GPC3: variants seen among roughly 807,000 people sequenced by gnomAD.
The protein encoded by GPC3 is glypican 3, also known as glypican-3.
Under a neutral mutation model 34.4 loss-of-function variants are expected in GPC3, and 3 were observed. The observed-to-expected ratio is 0.09, with a 90% CI of 0.04 to 0.23. GPC3 has a LOEUF of 0.23. Ranked by LOEUF, GPC3 falls within the 10% of genes least tolerant of loss-of-function variation. The probability of loss-of-function intolerance (pLI) is 1.00; values close to 1 mark genes in which losing one functional copy is unlikely to be tolerated. For synonymous variants in GPC3, 177 were observed against 174.0 expected (o/e 1.02, Z -0.13); for missense variants, 351 against 445.6 (o/e 0.79, Z 1.91).
At chrX:133,722,103 A>G (rs750785137) in intron 3 of GPC3, among the ~76,000 whole-genome samples, 2 of 111,627 alleles carry the variant, frequency 1.8e-5, no homozygotes, top group African/African-American at 3.3e-5. Context: ...TCATAATATT[A>G]TTATGCATAC....
At chrX:133,927,194 G>A (rs2076278794) in intron 2 of GPC3, among the ~76,000 whole-genome samples, 1 of 111,190 alleles carries the variant, frequency 9.0e-6, no homozygotes, top group African/African-American at 3.3e-5. Context: ...GAAGCAGATG[G>A]GTGGGAATAT....
At chrX:133,759,345 A>T (rs1456204306) in intron 2 of GPC3, among the ~76,000 whole-genome samples, 1 of 111,808 alleles carries the variant, frequency 8.9e-6, no homozygotes, top group East Asian at 2.8e-4. Flanking sequence ...GACTGGCATG[A>T]CCTGAATTCA....
intron 3 of GPC3, among the ~76,000 whole-genome samples, chrX:133,748,746 T>A (rs1372609129): frequency 8.9e-6 from 1 of 112,178 alleles, no homozygotes; most frequent in Non-Finnish European, 1.9e-5. Flanking sequence ...TGGGACTTAG[T>A]GAATACTTGC....
At chrX:133,641,127 T>A (rs761075768) in intron 6 of GPC3, among the ~76,000 whole-genome samples, 7 of 110,139 alleles carry the variant, frequency 6.4e-5, no homozygotes, top group Non-Finnish European at 7.6e-5. Flanking sequence ...TAGTAAATTT[T>A]AAAAAAATTC....
intron 2 of GPC3, among the ~76,000 whole-genome samples, chrX:133,814,707 A>G (rs981735262): frequency 9.1e-6 from 1 of 110,465 alleles, no homozygotes; most frequent in African/African-American, 3.3e-5. Context: ...AGCTGGGTTT[A>G]CAGGCATACA....
At chrX:133,746,086 T>A (rs2071608877) in intron 3 of GPC3, among the ~76,000 whole-genome samples, 1 of 112,325 alleles carries the variant, frequency 8.9e-6, no homozygotes, top group African/African-American at 3.2e-5. Flanking sequence ...GACTCAGGGA[T>A]CTGGCACAAA....
intron 3 of GPC3, among the ~76,000 whole-genome samples, chrX:133,736,338 T>C (rs956440449): frequency 3.6e-5 from 4 of 111,817 alleles, no homozygotes; most frequent in Non-Finnish European, 7.5e-5. Flanking sequence ...AAAAGGTAAA[T>C]ATAGAGTTAC....
At chrX:133,854,662 T>C (rs992060538) in intron 2 of GPC3, among the ~76,000 whole-genome samples, 4 of 112,106 alleles carry the variant, frequency 3.6e-5, no homozygotes, top group Non-Finnish European at 7.5e-5. Context: ...AACTGAGTTG[T>C]TCCAAAAAAA....
At chrX:133,643,831 G>GTTTTTTTTTTTTTTTTTTTTTTTT (rs778326133) in intron 6 of GPC3, among the ~76,000 whole-genome samples, 1 of 97,016 alleles carries the variant, frequency 1.0e-5, no homozygotes, top group African/African-American at 4.0e-5. Context: ...TTGTTTTTAT[G>GTTTTTTTTTTTTTTTTTTTTTTTT]TTTTTTTTTT....
intron 1 of GPC3, among the ~76,000 whole-genome samples, chrX:133,961,351 T>A (rs750453568): frequency 9.0e-6 from 1 of 111,432 alleles, no homozygotes; most frequent in Non-Finnish European, 1.9e-5. Context: ...ACCGTGGAGA[T>A]AAGCCATTCT....
intron 2 of GPC3, among the ~76,000 whole-genome samples, chrX:133,883,087 G>C (rs1013680386): frequency 2.7e-5 from 3 of 111,824 alleles, no homozygotes; most frequent in African/African-American, 9.8e-5. Flanking sequence ...TTGTGTGTGT[G>C]TGTGTGTGAA....
intron 1 of GPC3, among the ~76,000 whole-genome samples, chrX:133,970,511 G>A (rs779281712): frequency 1.2e-5 from 1 of 86,352 alleles, no homozygotes; most frequent in Non-Finnish European, 2.2e-5. Flanking sequence ...TCTGGCTTAA[G>A]GGAGTTTGGA....
At chrX:133,700,160 A>C in intron 3 of GPC3, 132 bp from the exon 4 acceptor site, 1 of 516,788 alleles carries the variant, frequency 1.9e-6, no homozygotes, top group Non-Finnish European at 3.3e-6. Context: ...GAGTCAAAAA[A>C]GGTGATAAGC....
intron 2 of GPC3, among the ~76,000 whole-genome samples, chrX:133,777,600 T>C (rs2072000440): frequency 8.9e-6 from 1 of 112,222 alleles, no homozygotes. Context: ...GAATCTTTGA[T>C]ACTAGAATTA....
intron 2 of GPC3, among the ~76,000 whole-genome samples, chrX:133,948,122 A>T (rs750030712): frequency 9.0e-6 from 1 of 111,085 alleles, no homozygotes; most frequent in East Asian, 2.8e-4. Context: ...ACTACATAAT[A>T]AAAACTAAAT....
chrX:133,771,165 T>C (rs182670926), intron 2 of GPC3, among the ~76,000 whole-genome samples: 6 of 112,290 alleles, frequency 5.3e-5, no homozygotes, highest in African/African-American at 1.9e-4. Context: ...TTTAAAATAA[T>C]GCTTGGAGTA....
At chrX:133,537,058 A>T (rs2069299295) in intron 7 of GPC3, among the ~76,000 whole-genome samples, 1 of 111,773 alleles carries the variant, frequency 8.9e-6, no homozygotes, top group South Asian at 3.8e-4. Context: ...TATGTTCATG[A>T]TTCTGAAAAG....
At chrX:133,625,029 G>T (rs2070284158) in intron 6 of GPC3, among the ~76,000 whole-genome samples, 1 of 111,850 alleles carries the variant, frequency 8.9e-6, no homozygotes, top group South Asian at 3.7e-4. Flanking sequence ...ATCAATAAAT[G>T]TAATCCATCA....
chrX:133,777,137 C>T (rs1484480353), intron 2 of GPC3, among the ~76,000 whole-genome samples: 1 of 110,236 alleles, frequency 9.1e-6, no homozygotes, highest in African/African-American at 3.3e-5. Context: ...CTTCGACCTC[C>T]CAAAGACGTC....
Sources: allele counts gnomAD v4.1 joint callset (sites outside exome capture counted in the v4.1 genomes callset), GRCh38; gene constraint gnomAD v4.1.1; transcripts MANE v1.5; gene names NCBI Gene and HGNC (gene_info 2026-07-23, HGNC 2026-07-21).